The following UNC5D variants were observed in gnomAD, a reference collection of about 807,000 sequenced individuals.
UNC5D encodes netrin receptor UNC5D.
UNC5D carries 39 observed loss-of-function variants against 105.4 expected under a neutral mutation model. That is an observed-to-expected ratio of 0.37 (90% CI 0.29 to 0.48). The LOEUF (loss-of-function observed/expected upper bound fraction) is 0.48, where lower values mean the gene tolerates loss of function less well. Ranked by LOEUF, UNC5D falls within the 20% of genes least tolerant of loss-of-function variation. The pLI, the probability that UNC5D is intolerant of heterozygous loss-of-function variation, is 0.98. For missense variants in UNC5D, 991 were observed against 1,202.4 expected (o/e 0.82, Z 2.60); for synonymous variants, 452 against 450.4 (o/e 1.00, Z -0.04).
At chr8:35,278,928 T>A (rs766262722) in intron 1 of UNC5D, among the ~76,000 whole-genome samples, 1 of 152,164 alleles carries the variant, frequency 6.6e-6, no homozygotes, top group Admixed American at 6.6e-5. Flanking sequence ...TAAAAAATAA[T>A]CCACCACTAA....
At chr8:35,579,333 T>C (rs1217952737) in intron 3 of UNC5D, among the ~76,000 whole-genome samples, 1 of 152,144 alleles carries the variant, frequency 6.6e-6, no homozygotes, top group African/African-American at 2.4e-5. Flanking sequence ...CAGGCATCCA[T>C]GGGTAATTAT....
At chr8:35,481,613 G>C (rs1439753820) in intron 1 of UNC5D, among the ~76,000 whole-genome samples, 2 of 152,084 alleles carry the variant, frequency 1.3e-5, no homozygotes, top group Admixed American at 6.5e-5. Flanking sequence ...GTCAACCTTT[G>C]AGTTCAGATG....
At position 35,790,656 on chromosome 8, in the gene UNC5D, G is replaced by T; in HGVS notation, c.*93G>T. On this transcript the variant is annotated 3_prime_UTR_variant, in exon 17 of 17. Coordinates refer to ENST00000404895, the MANE Select transcript of UNC5D (RefSeq NM_080872.4). Reference sequence around the variant, plus strand: ...CGCTTTCTGCCCAGTGGCGTTGGGGGAATTCAGCCTTCATTTATAATCAGT... The same window carrying T: ...CGCTTTCTGCCCAGTGGCGTTGGGGTAATTCAGCCTTCATTTATAATCAGT... The T allele has an allele frequency of 7.3e-7, 1 of 1,374,584 alleles. No homozygotes were observed. The highest frequency in any genetic ancestry group is 2.4e-5 in the East Asian group (1 of 42,060). The allele number at this position is 1,374,584 out of a possible 1,614,324, so 85.1% of individuals were successfully genotyped here. A position where few individuals can be genotyped will look rare whatever the true frequency, so the allele number is the denominator to read the frequency against.
intron 1 of UNC5D, among the ~76,000 whole-genome samples, chr8:35,304,311 A>G (rs1056205823): frequency 6.6e-5 from 10 of 151,568 alleles, no homozygotes; most frequent in African/African-American, 1.2e-4. Flanking sequence ...TCTACTTAGG[A>G]AAAAAAAAGT....
chr8:35,448,525 G>A (rs1262038516), intron 1 of UNC5D, among the ~76,000 whole-genome samples: 1 of 152,044 alleles, frequency 6.6e-6, no homozygotes, highest in African/African-American at 2.4e-5. Context: ...GCAGCACCTG[G>A]GAGTGATTAG....
chr8:35,567,999 A>T, intron 2 of UNC5D, 99 bp from the exon 3 acceptor site: 4 of 1,511,044 alleles, frequency 2.6e-6, no homozygotes, highest in South Asian at 1.3e-5. Flanking sequence ...TAAAAACAGG[A>T]TTGTTTAATT....
intron 1 of UNC5D, among the ~76,000 whole-genome samples, chr8:35,271,388 C>A: frequency 7.5e-6 from 1 of 132,546 alleles, no homozygotes; most frequent in Admixed American, 7.4e-5. Flanking sequence ...TATATGTACA[C>A]ACATGCACGT....
intron 1 of UNC5D, among the ~76,000 whole-genome samples, chr8:35,337,059 C>T (rs1811098178): frequency 1.3e-5 from 2 of 152,090 alleles, no homozygotes; most frequent in Non-Finnish European, 2.9e-5. Context: ...AAAATGCTGA[C>T]CCCATCATAG....
chr8:35,520,017 A>G (rs1481646920), intron 1 of UNC5D, among the ~76,000 whole-genome samples: 1 of 152,126 alleles, frequency 6.6e-6, no homozygotes, highest in Admixed American at 6.5e-5. Flanking sequence ...TCTTCTTCAA[A>G]GTTAACCATA....
At chr8:35,753,888 C>T (rs537708357) in intron 13 of UNC5D, among the ~76,000 whole-genome samples, 2 of 152,306 alleles carry the variant, frequency 1.3e-5, no homozygotes, top group South Asian at 4.1e-4. Flanking sequence ...CCATGTACTC[C>T]TCCGTCTTAG....
At chr8:35,780,962 T>C (rs536280077) in intron 16 of UNC5D, among the ~76,000 whole-genome samples, 1 of 152,328 alleles carries the variant, frequency 6.6e-6, no homozygotes, top group East Asian at 1.9e-4. Flanking sequence ...TTTCCTTTTA[T>C]TTACGTGTCA....
At chr8:35,284,656 G>A (rs925706132) in intron 1 of UNC5D, among the ~76,000 whole-genome samples, 4 of 152,180 alleles carry the variant, frequency 2.6e-5, no homozygotes, top group Non-Finnish European at 5.9e-5. Context: ...CCAGGTTCAC[G>A]CCATTCTCCT....
chr8:35,535,215 G>C (rs1364219990), intron 1 of UNC5D, among the ~76,000 whole-genome samples: 1 of 152,142 alleles, frequency 6.6e-6, no homozygotes, highest in Non-Finnish European at 1.5e-5. Flanking sequence ...GCACGTGATT[G>C]TCTGATTCCT....
At chr8:35,767,945 G>A (rs1235150451) in intron 15 of UNC5D, among the ~76,000 whole-genome samples, 1 of 151,764 alleles carries the variant, frequency 6.6e-6, no homozygotes, top group Non-Finnish European at 1.5e-5. Flanking sequence ...CAGTTTCCAG[G>A]TCATTACAGG....
At chr8:35,528,259 A>G (rs1209890266) in intron 1 of UNC5D, among the ~76,000 whole-genome samples, 1 of 145,846 alleles carries the variant, frequency 6.9e-6, no homozygotes, top group Non-Finnish European at 1.5e-5. Flanking sequence ...ATGTGATCTC[A>G]TTGTTCAATT....
At chr8:35,320,286 A>C (rs1809632706) in intron 1 of UNC5D, among the ~76,000 whole-genome samples, 1 of 152,136 alleles carries the variant, frequency 6.6e-6, no homozygotes, top group Admixed American at 6.6e-5. Context: ...TTAAGTTATT[A>C]TCTTAAGACT....
rs151280946 is a variant in UNC5D, at chr8:35,272,475, CT to C, written c.103+36589del. 4.9e-3 allele frequency among the ~76,000 whole-genome samples: 748 copies of C among 152,274 alleles called. 6 individuals are homozygous for C. Among genetic ancestry groups the C allele is most frequent in the Non-Finnish European group, 7.3e-3 (498 of 68,024 alleles). On this transcript the variant is annotated intron_variant, in intron 1 of 16. Transcript: ENST00000404895. Reference sequence around the variant, plus strand: ...AGGCCACAGTGGATTCCACGGGGAGCTCTGGAACTACAGTGGCTCTTTAGAG... The same window carrying C: ...AGGCCACAGTGGATTCCACGGGGAGCCTGGAACTACAGTGGCTCTTTAGAG...
At chr8:35,569,834 A>G (rs917361082) in intron 3 of UNC5D, among the ~76,000 whole-genome samples, 4 of 152,162 alleles carry the variant, frequency 2.6e-5, no homozygotes, top group Non-Finnish European at 5.9e-5. Flanking sequence ...TCTGCAAAAC[A>G]GCAGAGGGGA....
At chr8:35,368,346 T>C (rs1358563) in intron 1 of UNC5D, among the ~76,000 whole-genome samples, 80,737 of 151,926 alleles carry the variant, frequency 0.53, 22,196 homozygotes, top group East Asian at 0.7. Flanking sequence ...TGCGCATGCA[T>C]GCACACCCAC....
Sources: allele counts gnomAD v4.1 joint callset (sites outside exome capture counted in the v4.1 genomes callset), GRCh38; gene constraint gnomAD v4.1.1; transcripts MANE v1.5; gene names NCBI Gene and HGNC (gene_info 2026-07-23, HGNC 2026-07-21).